The following STYK1 variants were observed in gnomAD, a reference collection of about 807,000 sequenced individuals.
STYK1 encodes tyrosine-protein kinase STYK1.
Under a neutral mutation model 48.1 loss-of-function variants are expected in STYK1, and 46 were observed. That is an observed-to-expected ratio of 0.96 (90% CI 0.75 to 1.22). STYK1 has a LOEUF of 1.22. STYK1 is among the 50% of genes most tolerant of loss of function. The pLI is 0.00. For missense variants in STYK1, 527 were observed against 521.1 expected (o/e 1.01, Z -0.11); for synonymous variants, 188 against 189.0 (o/e 0.99, Z 0.04).
At chr12:10,637,233 C>T (rs2120674704) in intron 1 of STYK1, 37 bp from the exon 2 acceptor site, 1 of 152,234 alleles carries the variant, frequency 6.6e-6, no homozygotes, top group East Asian at 1.9e-4. Context: ...ATGATGAGGT[C>T]CACCCAATGA....
chr12:10,633,962 C>A (rs1222339082), intron 4 of STYK1, 28 bp downstream of exon 4: 1 of 1,611,362 alleles, frequency 6.2e-7, no homozygotes, highest in Non-Finnish European at 8.5e-7. Flanking sequence ...CTTTAAGCCC[C>A]TGCCCAGCCC....
At chr12:10,640,955 C>T (rs1947536712) in intron 1 of STYK1, among the ~76,000 whole-genome samples, 1 of 152,162 alleles carries the variant, frequency 6.6e-6, no homozygotes, top group Admixed American at 6.5e-5. Flanking sequence ...TATACAAATT[C>T]AAAACAGTTT....
At chr12:10,667,723 T>A (rs555470069) in intron 1 of STYK1, among the ~76,000 whole-genome samples, 1 of 152,248 alleles carries the variant, frequency 6.6e-6, no homozygotes, top group East Asian at 1.9e-4. Flanking sequence ...GAAAACTGAT[T>A]GAGATGGCTT....
rs1015704936 is a variant in STYK1 at position 10,672,401 on chromosome 12, C to T, written c.-195+1565G>A. The stretch of plus-strand genomic sequence containing the variant: ...ACGACATTAGATTTTCTTTCTTTTT[C>T]TTCCTCTTGTATTTTTGGTAGAGAT... On this transcript the variant is annotated intron_variant, in intron 1 of 10. Transcript: ENST00000075503. This position sits in a 1 kb window ranked among gnomAD's most constrained non-coding sequence, Gnocchi z 4.0. 1.3e-5 allele frequency among the ~76,000 whole-genome samples: 2 copies of T among 152,120 alleles called. No homozygotes were observed. Among genetic ancestry groups the T allele is most frequent in the African/African-American group, 2.4e-5 (1 of 41,440 alleles).
intron 4 of STYK1, among the ~76,000 whole-genome samples, chr12:10,632,427 T>C (rs1031294963): frequency 2.0e-5 from 3 of 152,010 alleles, no homozygotes; most frequent in Non-Finnish European, 2.9e-5. Flanking sequence ...AGTTGAGAAA[T>C]AGCCAGGAAG....
Position 10,633,975 on chromosome 12 carries a change from A to G in STYK1, c.187+15T>C. ...TTCTTTAAGCCCCTGCCCAGCCCCA[A>G]AGTTTGAGCTTTACCTTGAGGTCCA... On this transcript the variant is annotated intron_variant, in intron 4 of 10. Coordinates refer to ENST00000075503, the MANE Select transcript of STYK1 (RefSeq NM_018423.3). 7 of 1,612,572 alleles carry G rather than the reference A, an allele frequency of 4.3e-6. No homozygotes were observed. The highest frequency in any genetic ancestry group is 5.9e-6 in the Non-Finnish European group (7 of 1,179,586).
Position 10,622,703 on chromosome 12 carries a change from T to C in STYK1, c.927-25A>G, listed in dbSNP as rs758359786. 78 of 1,613,790 alleles carry C rather than the reference T, an allele frequency of 4.8e-5. No individual in the cohort carries two copies. The East Asian group carries it at 7.6e-4, about 16-fold the overall frequency. On this transcript the variant is annotated intron_variant, in intron 8 of 10. Transcript: ENST00000075503. ...GCTGTAAAAGAAACAAAGCCATCTA[T>C]TTAATTTCTATTTCTGTTTTTCTAA...
chr12:10,643,402 C>T (rs1261661531), intron 1 of STYK1, among the ~76,000 whole-genome samples: 2 of 152,156 alleles, frequency 1.3e-5, no homozygotes, highest in African/African-American at 4.8e-5. Flanking sequence ...CTGCTGGCCA[C>T]ACTGAAAACC....
intron 1 of STYK1, among the ~76,000 whole-genome samples, chr12:10,646,222 G>A (rs1947597675): frequency 6.6e-6 from 1 of 152,218 alleles, no homozygotes; most frequent in South Asian, 2.1e-4. Flanking sequence ...ACAGGAAACT[G>A]TGGGAAAGTT....
chr12:10,663,705 G>A (rs761652314), intron 1 of STYK1, among the ~76,000 whole-genome samples: 8 of 141,460 alleles, frequency 5.7e-5, no homozygotes, highest in South Asian at 2.3e-4. Context: ...ACTCCCTTGC[G>A]TTCTCATAAA....
intron 1 of STYK1, among the ~76,000 whole-genome samples, chr12:10,662,993 T>C (rs555205039): frequency 6.6e-6 from 1 of 152,236 alleles, no homozygotes; most frequent in Non-Finnish European, 1.5e-5. Context: ...GGACTTTGGT[T>C]CATTTTGAAT....
At position 10,624,678 on chromosome 12, in the gene STYK1, A is replaced by G. The variant is rs766083083; in HGVS notation, c.899T>C (p.Leu300Pro). 1.4e-5 allele frequency: 23 copies of G among 1,614,060 alleles called. No homozygotes were observed. The African/African-American group carries it at 2.9e-4, about 21-fold the overall frequency. ...ATCTGCTCTGATGCTAGCAGGTCTC[A>G]GGAGAAGCCGTTCTGGGGCAAGCCA... ...LKWLAPERLL[L>P]RPASIRADVW... The change falls in exon 8 of 11, where the codon CTG becomes CCG. Residue 300 changes from leucine (L) to proline (P), a missense_variant. Transcript: ENST00000075503.
chr12:10,633,987 T>C lies in STYK1; in HGVS notation c.187+3A>G. 6.2e-7 allele frequency: 1 copy of C among 1,613,366 alleles called. No individual in the cohort carries two copies. The highest frequency in any genetic ancestry group is 1.7e-4 in the Middle Eastern group (1 of 6,054). ...CTGCCCAGCCCCAAAGTTTGAGCTT[T>C]ACCTTGAGGTCCAGAACGCTGCTGT... is the stretch of plus-strand genomic sequence containing the variant. On this transcript the variant is annotated splice_donor_region_variant and intron_variant, in intron 4 of 10. Coordinates refer to ENST00000075503, the MANE Select transcript of STYK1 (RefSeq NM_018423.3).
chr12:10,666,431 T>C (rs950037679), intron 1 of STYK1, among the ~76,000 whole-genome samples: 1 of 152,234 alleles, frequency 6.6e-6, no homozygotes, highest in Non-Finnish European at 1.5e-5. Context: ...ACACAAACCC[T>C]GCATTCATCT....
chr12:10,669,183 G>T (rs1305045144), intron 1 of STYK1, among the ~76,000 whole-genome samples: 1 of 152,162 alleles, frequency 6.6e-6, no homozygotes, highest in African/African-American at 2.4e-5. Flanking sequence ...GGATCTGCAA[G>T]AAATTTTTAT....
In STYK1 at chr12:10,657,210, C is replaced by T. The variant is rs1275649029; in HGVS notation, c.-195+16756G>A. Reference sequence around the variant, plus strand: ...TGTTTTGCCTTCCAGCTGTGCCTGCCTATTAGGCTCTAGAAATTGCATGCT... The same window carrying T: ...TGTTTTGCCTTCCAGCTGTGCCTGCTTATTAGGCTCTAGAAATTGCATGCT... On this transcript the variant is annotated intron_variant, in intron 1 of 10. Transcript: ENST00000075503. Among the ~76,000 whole-genome samples, 4 of 152,144 alleles carry T rather than the reference C, an allele frequency of 2.6e-5. No homozygotes were observed. In the South Asian group the frequency reaches 8.3e-4, roughly 31 times the overall value.
chr12:10,638,006 T>C (rs1165284291), intron 1 of STYK1, among the ~76,000 whole-genome samples: 1 of 152,176 alleles, frequency 6.6e-6, no homozygotes, highest in Non-Finnish European at 1.5e-5. Flanking sequence ...TAAATACTTT[T>C]CCCACTATGT....
chr12:10,641,876 A>C (rs1373442583), intron 1 of STYK1, among the ~76,000 whole-genome samples: 1 of 152,160 alleles, frequency 6.6e-6, no homozygotes, highest in Non-Finnish European at 1.5e-5. Flanking sequence ...TCCAGGAATT[A>C]AGGGAAGTGG....
In STYK1 at chr12:10,669,796, AC is replaced by A. The variant is rs565613740; in HGVS notation, c.-195+4169del. On this transcript the variant is annotated intron_variant, in intron 1 of 10. Transcript: ENST00000075503. Reference sequence around the variant, plus strand: ...TAAAACAATAGGGGGAAAACAAATAACTGTACTAAAAATGAACAAAGGACCT... The same window carrying A: ...TAAAACAATAGGGGGAAAACAAATAATGTACTAAAAATGAACAAAGGACCT... 2.6e-3 allele frequency among the ~76,000 whole-genome samples: 401 copies of A among 152,290 alleles called. 3 individuals are homozygous for A. The highest frequency in any genetic ancestry group is 9.1e-3 in the African/African-American group (377 of 41,560).
Sources: gnomAD v4.1 joint callset for allele counts (sites outside exome capture counted in the v4.1 genomes callset) on GRCh38, gnomAD v4.1.1 for gene constraint, Gnocchi (gnomAD v3.1) non-coding constraint, MANE v1.5 for transcripts, NCBI Gene and HGNC (gene_info 2026-07-23, HGNC 2026-07-21) for gene names.